The following IMMT variants were observed in gnomAD, a reference collection of about 807,000 sequenced individuals.
IMMT encodes the protein MICOS complex subunit MIC60.
In IMMT, 40 loss-of-function variants were observed where a neutral mutation model predicts 92.7. The observed-to-expected ratio is 0.43, with a 90% CI of 0.34 to 0.56. The LOEUF is 0.56. IMMT is among the 20% of genes least tolerant of loss of function. The pLI is 0.03. For missense variants in IMMT, 831 were observed against 912.1 expected, an observed-to-expected ratio of 0.91 and a Z score of 1.14; for synonymous variants, 322 against 336.1, an observed-to-expected ratio of 0.96 and a Z score of 0.46.
chr2:86,148,970 A>G (rs1296709987), intron 12 of IMMT, among the ~76,000 whole-genome samples: 1 of 152,220 alleles, frequency 6.6e-6, no homozygotes, highest in Non-Finnish European at 1.5e-5. Flanking sequence ...TCTTGCTCTC[A>G]CAGTGTATAT....
intron 4 of IMMT, among the ~76,000 whole-genome samples, chr2:86,172,504 T>A (rs1286613660): frequency 6.6e-6 from 1 of 152,124 alleles, no homozygotes; most frequent in Non-Finnish European, 1.5e-5. Flanking sequence ...CAGCTAATTT[T>A]TAATTTTTTA....
chr2:86,193,808 A>G lies in IMMT; in HGVS notation c.45+1530T>C, dbSNP rs145347834. 2.9e-3 allele frequency among the ~76,000 whole-genome samples: 435 copies of G among 152,340 alleles called. 3 individuals carry two copies. The highest frequency in any genetic ancestry group is 0.01 in the African/African-American group (420 of 41,592). ...CTTAGACATCTTGATTCAGAGCTAT[A>G]AAAGGGTTCATTTTTTATTACCAAG... On this transcript the variant is annotated intron_variant, in intron 1 of 14. Transcript: ENST00000410111.
chr2:86,148,090 T>C (rs887032648), intron 12 of IMMT, among the ~76,000 whole-genome samples: 1 of 152,210 alleles, frequency 6.6e-6, no homozygotes, highest in Non-Finnish European at 1.5e-5. Context: ...ACTTGTGGTT[T>C]TTCCACATCA....
chr2:86,147,007 C>T (rs1157675104), intron 13 of IMMT, among the ~76,000 whole-genome samples: 1 of 152,060 alleles, frequency 6.6e-6, no homozygotes, highest in African/African-American at 2.4e-5. Context: ...GCGATCCACC[C>T]GCCTCAGCCT....
rs759438868 is a variant in IMMT, at chr2:86,181,318, A to C, written c.100T>G (p.Ser34Ala). The part of the protein sequence containing the change: ...LRPLRPCRRY[S>A]TSGSSGLTTG... Reference sequence around the variant, plus strand: ...ACATACCCAGAGCTGCCTGAAGTAGAGTATCTGCGGCATGGTCGCAATGGA... The same window carrying C: ...ACATACCCAGAGCTGCCTGAAGTAGCGTATCTGCGGCATGGTCGCAATGGA... The change falls in exon 2 of 15, where the codon TCT becomes GCT. Residue 34 changes from serine (S) to alanine (A), a missense_variant. By Grantham distance (99) the Ser-to-Ala change is moderately conservative. Coordinates refer to ENST00000410111, the MANE Select transcript of IMMT (RefSeq NM_006839.3). The C allele has an allele frequency of 3.1e-6, 5 of 1,613,654 alleles. No individual in the cohort carries two copies. The highest frequency in any genetic ancestry group is 3.3e-4 in the Middle Eastern group (2 of 6,084).
chr2:86,186,985 T>C (rs934772968), intron 1 of IMMT, among the ~76,000 whole-genome samples: 2 of 152,186 alleles, frequency 1.3e-5, no homozygotes, highest in Non-Finnish European at 2.9e-5. Context: ...TCTGGCTCTA[T>C]ACTTCCGGCC....
At position 86,171,331 on chromosome 2, in the gene IMMT, C is replaced by T; in HGVS notation, c.436G>A (p.Ala146Thr). ...TCACCTGCTGCAGAAATAATTTGAG[C>T]CGCTTCTGTAGGTGCTATAAATATA... ...PASATAPTEA[A>T]QIISAAGDTL... Residue 146 changes from alanine to threonine, a missense_variant, in exon 5 of 15, where the codon GCT (alanine) becomes ACT (threonine). Transcript: ENST00000410111. 2.5e-6 allele frequency: 4 copies of T among 1,611,076 alleles called. No homozygotes were observed. The highest frequency in any genetic ancestry group is 1.7e-5 in the Admixed American group (1 of 59,620).
intron 1 of IMMT, among the ~76,000 whole-genome samples, chr2:86,186,329 T>A (rs764242688): frequency 6.6e-6 from 1 of 152,098 alleles, no homozygotes; most frequent in East Asian, 1.9e-4. Context: ...GAGGATAATA[T>A]CCAAAATTGA....
intron 1 of IMMT, among the ~76,000 whole-genome samples, chr2:86,184,976 C>G (rs1385295329): frequency 6.6e-6 from 1 of 152,104 alleles, no homozygotes; most frequent in Non-Finnish European, 1.5e-5. Context: ...ATCACAAGGT[C>G]AGGAGATTGA....
chr2:86,147,594 A>G (rs1675116326), intron 13 of IMMT, 108 bp downstream of exon 13: 1 of 1,077,604 alleles, frequency 9.3e-7, no homozygotes, highest in South Asian at 1.7e-5. Flanking sequence ...GTAGACATAC[A>G]AGGAGATTTC....
Position 86,144,118 on chromosome 2 carries a change from A to ATATAAG in IMMT, c.*149_*150insCTTATA. The ATATAAG allele has an allele frequency of 1.3e-6, 1 of 797,126 alleles. No homozygotes were observed. The highest frequency in any genetic ancestry group is 1.7e-5 in the African/African-American group (1 of 57,762). The allele number at this position is 797,126 out of a possible 1,614,324, so 49.4% of individuals were successfully genotyped here. ...ACTGACATGATAGCAAATGGAAAGA[A>ATATAAG]TATAAATGCAACAGGTGTTAACATT... On this transcript the variant is annotated 3_prime_UTR_variant, in exon 15 of 15. Coordinates refer to ENST00000410111, the MANE Select transcript of IMMT (RefSeq NM_006839.3).
At chr2:86,170,650 C>A in intron 6 of IMMT, 99 bp downstream of exon 6, 3 of 744,074 alleles carry the variant, frequency 4.0e-6, no homozygotes, top group East Asian at 2.7e-5. Context: ...CAAAAGAAAC[C>A]ACAACTAGGT....
chr2:86,146,213 A>G lies in IMMT; in HGVS notation c.1534-16T>C. ...CAGACAGGTTCTGAAATAAAACAGA[A>G]ATAGTTCCAGAAAAAAGTGATACTC... On this transcript the variant is annotated splice_polypyrimidine_tract_variant and intron_variant, in intron 13 of 14. Transcript: ENST00000410111. 6.3e-7 allele frequency: 1 copy of G among 1,593,824 alleles called. No homozygotes were observed. The highest frequency in any genetic ancestry group is 2.3e-5 in the East Asian group (1 of 44,434).
chr2:86,183,308 AT>A (rs113518713), intron 1 of IMMT, among the ~76,000 whole-genome samples: 4 of 151,836 alleles, frequency 2.6e-5, no homozygotes, highest in Admixed American at 6.6e-5. Context: ...TCTTTAAATA[AT>A]TTTTTTTGTT....
In IMMT at chr2:86,166,651, A is replaced by C; in HGVS notation, c.656-7T>G. The C allele has an allele frequency of 6.3e-7, 1 of 1,580,990 alleles. No homozygotes were observed. Among genetic ancestry groups the C allele is most frequent in the Non-Finnish European group, 8.6e-7 (1 of 1,168,950 alleles). On this transcript the variant is annotated splice_polypyrimidine_tract_variant and splice_region_variant and intron_variant, in intron 6 of 14. Transcript: ENST00000410111. ...TCTAAGCTCTTGGCTAGAGCTTAAA[A>C]AAAAAAAAGAACAGTTAAAAAACAA...
intron 8 of IMMT, among the ~76,000 whole-genome samples, chr2:86,161,659 G>A (rs6723248): frequency 0.03 from 4,557 of 151,518 alleles, 208 homozygotes; most frequent in African/African-American, 0.1. Context: ...GACTACAGGC[G>A]CCCGCCACCA....
At chr2:86,168,275 A>G (rs1676854236) in intron 6 of IMMT, among the ~76,000 whole-genome samples, 1 of 152,232 alleles carries the variant, frequency 6.6e-6, no homozygotes, top group Non-Finnish European at 1.5e-5. Context: ...ATAATTTACT[A>G]AAATGCAAAA....
At chr2:86,169,644 T>TACTTGGGAGGCCAAGGTGGGAGGA (rs1558827912) in intron 6 of IMMT, among the ~76,000 whole-genome samples, 1 of 152,012 alleles carries the variant, frequency 6.6e-6, no homozygotes, top group African/African-American at 2.4e-5. Flanking sequence ...AAAAATTATG[T>TACTTGGGAGGCCAAGGTGGGAGGA]TACATGTGCT....
intron 6 of IMMT, among the ~76,000 whole-genome samples, chr2:86,169,357 G>T (rs1373879355): frequency 2.0e-5 from 3 of 152,188 alleles, no homozygotes; most frequent in Non-Finnish European, 4.4e-5. Flanking sequence ...ACAAATATTT[G>T]TAACACAATC....
Sources: allele counts gnomAD v4.1 joint callset (sites outside exome capture counted in the v4.1 genomes callset), GRCh38; gene constraint gnomAD v4.1.1; transcripts MANE v1.5; gene names NCBI Gene and HGNC (gene_info 2026-07-23, HGNC 2026-07-21).